The following COL6A2 variants were observed in gnomAD, a reference collection of about 807,000 sequenced individuals.
The protein encoded by COL6A2 is collagen alpha-2(VI) chain.
In COL6A2, 90 loss-of-function variants were observed where a neutral mutation model predicts 124.9. The ratio of observed to expected loss-of-function variants is 0.72; its 90% CI spans 0.61 to 0.86. The LOEUF (loss-of-function observed/expected upper bound fraction) is 0.86, where lower values mean the gene tolerates loss of function less well. Among genes scored for constraint, COL6A2 ranks in the 40% least tolerant of loss-of-function variants. The pLI is 0.00. For missense variants in COL6A2, 1,607 were observed against 1,502.5 expected, an observed-to-expected ratio of 1.07 and a Z score of -1.15; for synonymous variants, 793 against 618.2, an observed-to-expected ratio of 1.28 and a Z score of -4.19.
chr21:46,098,472 T>TGCGCCCGAGCTCGGTGCTGGGACCCCC (rs2078250386), intron 1 of COL6A2, among the ~76,000 whole-genome samples: 1 of 151,510 alleles, frequency 6.6e-6, no homozygotes, highest in South Asian at 2.1e-4. Flanking sequence ...GGTCCCTGTC[T>TGCGCCCGAGCTCGGTGCTGGGACCCCC]GCGCCCGAGC....
intron 4 of COL6A2, chr21:46,113,627 G>A: frequency 2.9e-6 from 1 of 344,814 alleles, no homozygotes; most frequent in Non-Finnish European, 5.6e-6. Flanking sequence ...ATCTCACTAT[G>A]TTGCCCAGCC....
At position 46,125,904 on chromosome 21, in the gene COL6A2, A is replaced by C; in HGVS notation, c.2089A>C (p.Ile697Leu). Residue 697 changes from isoleucine to leucine, a missense_variant, in exon 26 of 28, where the codon ATT (isoleucine) becomes CTT (leucine). By Grantham distance (5) the Ile-to-Leu change is conservative (BLOSUM62 2). Around this residue, in one of 3 missense-constraint regions of COL6A2, gnomAD observed 1,223 missense variants for 1,052.2 expected, o/e 1.16. Coordinates refer to ENST00000300527, the MANE Select transcript of COL6A2 (RefSeq NM_001849.4). The part of the protein sequence containing the change: ...FKEAVKNLEW[I>L]AGGTWTPSAL... ...GGAGGCTGTCAAGAACCTCGAGTGG[A>C]TTGCGGGCGGCACCTGGACACCCTC... The C allele has an allele frequency of 6.2e-7, 1 of 1,613,168 alleles. No homozygotes were observed.
rs376976896 is a variant in COL6A2 at position 46,132,553 on chromosome 21, C to G, written c.*1C>G. On this transcript the variant is annotated 3_prime_UTR_variant, in exon 28 of 28. Transcript: ENST00000300527. ...CCGCTTCATCCGCTGGATCTGCTAG[C>G]GCCGCCGCCCGGGCCCCGCAGTCGA... The G allele has an allele frequency of 1.9e-6, 3 of 1,591,692 alleles. No homozygotes were observed. In the East Asian group the frequency reaches 6.8e-5, roughly 36 times the overall value.
chr21:46,098,127 G>T lies in COL6A2; in HGVS notation c.-74G>T, dbSNP rs372628510. The T allele has an allele frequency of 5.3e-5, 8 of 152,170 alleles. No individual in the cohort carries two copies. The East Asian group carries it at 1.2e-3, about 22-fold the overall frequency. 9.4% of individuals were successfully genotyped at this position (152,170 alleles called of 1,614,324 possible). A position where few individuals can be genotyped will look rare whatever the true frequency, so the allele number is the denominator to read the frequency against. ...GCGGTTCCCTCCCTGCTGCTTACTC[G>T]GCGCCCGCGCCTCGGGCCGTCGGGA... On this transcript the variant is annotated 5_prime_UTR_variant, in exon 1 of 28. Coordinates refer to ENST00000300527, the MANE Select transcript of COL6A2 (RefSeq NM_001849.4).
Position 46,132,061 on chromosome 21 carries a change from GAGC to G in COL6A2, c.2572_2574del (p.Gln858del). On this transcript the variant is annotated inframe_deletion, in exon 28 of 28. Coordinates refer to ENST00000300527, the MANE Select transcript of COL6A2 (RefSeq NM_001849.4). ...CTTCCACAAGGCCCGGCGCTTCGTG[GAGC>G]AGGTGGCGCGGCGGCTGACGCTGGC... 1 of 1,606,534 alleles carries G rather than the reference GAGC, an allele frequency of 6.2e-7. No homozygotes were observed. The highest frequency in any genetic ancestry group is 8.5e-7 in the Non-Finnish European group (1 of 1,178,618).
At position 46,111,569 on chromosome 21, in the gene COL6A2, C is replaced by T. The variant is rs953778915; in HGVS notation, c.93C>T (p.Thr31=). 39 of 1,612,538 alleles carry T rather than the reference C, an allele frequency of 2.4e-5. No homozygotes were observed. Among genetic ancestry groups the T allele is most frequent in the Middle Eastern group, 1.6e-4 (1 of 6,080 alleles). Residue 31 remains threonine, a synonymous_variant, in exon 2 of 28, where the codon ACC becomes ACT. Coordinates refer to ENST00000300527, the MANE Select transcript of COL6A2 (RefSeq NM_001849.4). ...QQQEVISPDT[T]ERNNNCPEKT... The stretch of plus-strand genomic sequence containing the variant: ...AGGAGGTCATCTCGCCGGACACTAC[C>T]GAGAGAAACAACAACTGCCCAGGTG...
At position 46,125,555 on chromosome 21, in the gene COL6A2, A is replaced by T. The variant is rs1356812071; in HGVS notation, c.1907A>T (p.Asn636Ile). 4 of 1,612,862 alleles carry T rather than the reference A, an allele frequency of 2.5e-6. No individual in the cohort carries two copies. The South Asian group carries it at 3.3e-5, about 13-fold the overall frequency. Residue 636 changes from asparagine (N) to isoleucine (I), a missense_variant, in exon 25 of 28, where the codon AAC becomes ATC. Asn to Ile is a moderately radical substitution (Grantham distance 149). Around this residue, in one of 3 missense-constraint regions of COL6A2, gnomAD observed 1,223 missense variants for 1,052.2 expected, o/e 1.16. Transcript: ENST00000300527. ...TACACCAACTTCACACTGGAGAAGA[A>T]CTTCGTCATCAACGTGGTCAACAGG... Reference protein sequence around the residue: ...IGYTNFTLEKNFVINVVNRLG... With the variant: ...IGYTNFTLEKIFVINVVNRLG...
At chr21:46,117,793 A>G in intron 11 of COL6A2, 81 bp from the exon 12 acceptor site, 1 of 1,438,262 alleles carries the variant, frequency 7.0e-7, no homozygotes, top group Non-Finnish European at 9.6e-7. Flanking sequence ...CCGGGCTGGG[A>G]CAATGGAGCA....
Position 46,121,621 on chromosome 21 carries a change from A to G in COL6A2, c.1521+3A>G. On this transcript the variant is annotated splice_donor_region_variant and intron_variant, in intron 18 of 27. Transcript: ENST00000300527. ...ACTCAGGACAGCCAGGCCCCAAGGTACGTGCCCCTCCCCCAGCAGGACGTA... is the reference window on the plus strand; with the variant it reads ...ACTCAGGACAGCCAGGCCCCAAGGTGCGTGCCCCTCCCCCAGCAGGACGTA... The G allele has an allele frequency of 6.2e-7, 1 of 1,612,674 alleles. No homozygotes were observed. The highest frequency in any genetic ancestry group is 1.1e-5 in the South Asian group (1 of 91,082).
chr21:46,105,479 T>C (rs1287908655), intron 1 of COL6A2, among the ~76,000 whole-genome samples: 1 of 152,232 alleles, frequency 6.6e-6, no homozygotes, highest in Non-Finnish European at 1.5e-5. Flanking sequence ...TAATGCTGCT[T>C]TTTGTTTTCT....
intron 16 of COL6A2, among the ~76,000 whole-genome samples, chr21:46,120,833 C>T (rs1309766991): frequency 6.6e-6 from 1 of 152,086 alleles, no homozygotes; most frequent in Admixed American, 6.6e-5. Context: ...GGCTGCAACC[C>T]AAGATAGGGG....
chr21:46,129,500 C>T lies in COL6A2; in HGVS notation c.2462-2454C>T, dbSNP rs1027155741. The T allele has an allele frequency of 3.2e-6, 5 of 1,556,890 alleles. No homozygotes were observed. The highest frequency in any genetic ancestry group is 2.7e-5 in the African/African-American group (2 of 74,024). ...CGCTGGCCCTCTGCTAAAGCCCGGG[C>T]ACCCGCCCAGCCGGGCTGGGCCCTC... On this transcript the variant is annotated intron_variant, in intron 27 of 27. Coordinates refer to ENST00000300527, the MANE Select transcript of COL6A2 (RefSeq NM_001849.4).
chr21:46,099,113 C>T (rs2078258742), intron 1 of COL6A2: 1 of 152,410 alleles, frequency 6.6e-6, no homozygotes, highest in Admixed American at 6.5e-5. Flanking sequence ...GATAACACAG[C>T]TCTGGCTTGG....
At chr21:46,127,786 C>T (rs2078695822) in intron 27 of COL6A2, among the ~76,000 whole-genome samples, 2 of 152,174 alleles carry the variant, frequency 1.3e-5, no homozygotes, top group Non-Finnish European at 2.9e-5. Context: ...TTCCCCTCCA[C>T]TCCAGGTTCT....
Position 46,115,957 on chromosome 21 carries a change from T to G in COL6A2, c.855+32T>G, listed in dbSNP as rs769242907. 18 of 1,612,024 alleles carry G rather than the reference T, an allele frequency of 1.1e-5. No homozygotes were observed. In the Admixed American group the frequency reaches 3.0e-4, roughly 27 times the overall value. ...GTCCTTGCCCCACGCCCGCCCCGCCTGCAGCCCAGCGCCCCAGGGCTGGGC... is the reference window on the plus strand; with the variant it reads ...GTCCTTGCCCCACGCCCGCCCCGCCGGCAGCCCAGCGCCCCAGGGCTGGGC... On this transcript the variant is annotated intron_variant, in intron 6 of 27. Transcript: ENST00000300527.
Position 46,129,245 on chromosome 21 carries a change from A to G in COL6A2, c.2461+2704A>G, listed in dbSNP as rs1211121801. On this transcript the variant is annotated intron_variant, in intron 27 of 27. Coordinates refer to ENST00000300527, the MANE Select transcript of COL6A2 (RefSeq NM_001849.4). ...CCCCGGTCACCTTCCTCCGCACGGAAGAGGGGCCGGACGCCACCTTCCCCA... is the reference window on the plus strand; with the variant it reads ...CCCCGGTCACCTTCCTCCGCACGGAGGAGGGGCCGGACGCCACCTTCCCCA... 1.9e-6 allele frequency: 3 copies of G among 1,612,882 alleles called. No individual in the cohort carries two copies. The highest frequency in any genetic ancestry group is 1.6e-4 in the Middle Eastern group (1 of 6,062).
Position 46,132,429 on chromosome 21 carries a change from C to G in COL6A2, c.2937C>G (p.Asp979Glu). The G allele has an allele frequency of 6.2e-7, 1 of 1,606,958 alleles. No homozygotes were observed. Among genetic ancestry groups the G allele is most frequent in the Non-Finnish European group, 8.5e-7 (1 of 1,176,964 alleles). The change falls in exon 28 of 28, where the codon GAC (aspartate) becomes GAG (glutamate). Residue 979 changes from aspartate to glutamate, a missense_variant. This residue lies in a region of COL6A2 where 1,223 missense variants were observed against 1,052.2 expected (regional missense o/e 1.16). Transcript: ENST00000300527. The stretch of plus-strand genomic sequence containing the variant: ...CCACCGTGCTGGCCTTGGGCAGCGA[C>G]GTGGACATGGACGTGCTCACCACGC... ...VVPTVLALGS[D>E]VDMDVLTTLS...
chr21:46,115,017 C>T (rs906413158), intron 5 of COL6A2, among the ~76,000 whole-genome samples: 2 of 152,252 alleles, frequency 1.3e-5, no homozygotes, highest in Admixed American at 6.5e-5. Flanking sequence ...TGAGACATCT[C>T]GAGGCTGCAG....
chr21:46,122,425 A>C lies in COL6A2; in HGVS notation c.1573-71A>C, dbSNP rs564310884. 4 of 1,594,340 alleles carry C rather than the reference A, an allele frequency of 2.5e-6. No homozygotes were observed. In the African/African-American group the frequency reaches 5.4e-5, roughly 21 times the overall value. On this transcript the variant is annotated intron_variant, in intron 19 of 27. Coordinates refer to ENST00000300527, the MANE Select transcript of COL6A2 (RefSeq NM_001849.4). ...CGAGGGAGGGAAACGGGGCTGCAGA[A>C]AGCTGCCCAGAGGGAGGAAGGAGCA... is the stretch of plus-strand genomic sequence containing the variant.
Sources: allele counts gnomAD v4.1 joint callset (sites outside exome capture counted in the v4.1 genomes callset), GRCh38; gene constraint gnomAD v4.1.1; regional missense constraint gnomAD v4.1.1; transcripts MANE v1.5; gene names NCBI Gene and HGNC (gene_info 2026-07-23, HGNC 2026-07-21).